The following MRPL3 variants were observed in gnomAD, a reference collection of about 807,000 sequenced individuals.
MRPL3 encodes large ribosomal subunit protein uL3m.
Under a neutral mutation model 44.3 loss-of-function variants are expected in MRPL3, and 43 were observed. The observed-to-expected ratio is 0.97, with a 90% CI of 0.76 to 1.25. The LOEUF is 1.25. MRPL3 is among the 50% of genes most tolerant of loss of function. MRPL3 has a pLI of 0.00. For synonymous variants in MRPL3, 171 were observed against 152.3 expected (o/e 1.12, Z -0.91); for missense variants, 406 against 427.6 (o/e 0.95, Z 0.45).
At chr3:131,485,155 CAA>C (rs1281189378) in intron 6 of MRPL3, among the ~76,000 whole-genome samples, 4 of 152,088 alleles carry the variant, frequency 2.6e-5, no homozygotes, top group Admixed American at 6.5e-5. Context: ...AACCAAAAAA[CAA>C]AAGTTTTCCT....
At chr3:131,489,178 A>C (rs1460394355) in intron 5 of MRPL3, among the ~76,000 whole-genome samples, 1 of 152,138 alleles carries the variant, frequency 6.6e-6, no homozygotes, top group Non-Finnish European at 1.5e-5. Flanking sequence ...AAGTATTTCC[A>C]TTATAAACTA....
chr3:131,465,646 T>C (rs1038493323), intron 9 of MRPL3, among the ~76,000 whole-genome samples: 5 of 152,172 alleles, frequency 3.3e-5, no homozygotes, highest in Admixed American at 6.6e-5. Flanking sequence ...CTTTATCAGG[T>C]TGTGCTATTT....
At chr3:131,482,898 T>C (rs1316126208) in intron 6 of MRPL3, among the ~76,000 whole-genome samples, 1 of 151,998 alleles carries the variant, frequency 6.6e-6, no homozygotes, top group Non-Finnish European at 1.5e-5. Flanking sequence ...GTCCTTCAAG[T>C]CCTTTCAGGC....
intron 6 of MRPL3, among the ~76,000 whole-genome samples, chr3:131,482,030 G>A (rs1203497268): frequency 1.3e-5 from 2 of 152,160 alleles, no homozygotes; most frequent in Non-Finnish European, 2.9e-5. Flanking sequence ...AGTGTACTGG[G>A]CTAGGTATAC....
chr3:131,473,645 A>G (rs540160618), intron 6 of MRPL3, among the ~76,000 whole-genome samples: 3 of 152,150 alleles, frequency 2.0e-5, no homozygotes, highest in East Asian at 1.9e-4. Context: ...CTGACAAGAG[A>G]TATCTAAAAT....
chr3:131,493,555 A>T (rs1479957643), intron 4 of MRPL3, among the ~76,000 whole-genome samples: 2 of 152,206 alleles, frequency 1.3e-5, no homozygotes, highest in Non-Finnish European at 2.9e-5. Context: ...GACAATAAAG[A>T]AGTGGGCTAA....
intron 6 of MRPL3, among the ~76,000 whole-genome samples, chr3:131,477,486 A>G (rs1009310931): frequency 6.6e-6 from 1 of 152,220 alleles, no homozygotes; most frequent in African/African-American, 2.4e-5. Context: ...CCCAAATCCA[A>G]GTCTTTTACT....
At position 131,468,076 on chromosome 3, in the gene MRPL3, G is replaced by T. The variant is rs767216919; in HGVS notation, c.894+15C>A. 13 of 1,311,684 alleles carry T rather than the reference G, an allele frequency of 9.9e-6. No homozygotes were observed. The highest frequency in any genetic ancestry group is 2.6e-5 in the East Asian group (1 of 39,048). The allele number at this position is 1,311,684 out of a possible 1,614,324, so 81.3% of individuals were successfully genotyped here. ...AAAAAAAAAAAGGAAAAAAAAAGAA[G>T]ACACTTATACTTACCTTTACTAAGC... On this transcript the variant is annotated intron_variant, in intron 9 of 9. Coordinates refer to ENST00000264995, the MANE Select transcript of MRPL3 (RefSeq NM_007208.4).
chr3:131,502,339 T>C (rs1934516840), intron 1 of MRPL3, among the ~76,000 whole-genome samples: 1 of 152,232 alleles, frequency 6.6e-6, no homozygotes, highest in Non-Finnish European at 1.5e-5. Context: ...TTTCCACTTA[T>C]TAGTTGAGTG....
intron 4 of MRPL3, among the ~76,000 whole-genome samples, chr3:131,493,659 A>G (rs977077748): frequency 6.6e-6 from 1 of 152,232 alleles, no homozygotes; most frequent in Non-Finnish European, 1.5e-5. Context: ...CTTCTGCTCC[A>G]TCAGTTCTTG....
chr3:131,501,849 T>C (rs1415214716), intron 1 of MRPL3, 134 bp from the exon 2 acceptor site: 5 of 1,560,836 alleles, frequency 3.2e-6, no homozygotes, highest in Non-Finnish European at 4.3e-6. Flanking sequence ...TATACCTTTT[T>C]TTCAGGTCTC....
At chr3:131,494,865 C>T (rs1389914770) in intron 4 of MRPL3, among the ~76,000 whole-genome samples, 1 of 152,124 alleles carries the variant, frequency 6.6e-6, no homozygotes, top group Non-Finnish European at 1.5e-5. Context: ...ACTGACAGTA[C>T]TGTCACAGTT....
chr3:131,482,543 A>C (rs986441510), intron 6 of MRPL3, among the ~76,000 whole-genome samples: 1 of 152,076 alleles, frequency 6.6e-6, no homozygotes, highest in Non-Finnish European at 1.5e-5. Context: ...TTTATTACTA[A>C]GATAACATTG....
At position 131,462,479 on chromosome 3, in the gene MRPL3, AT is replaced by A; in HGVS notation, c.*243del. ...AGAATCGAGTCCACAAATTAAGAAT[AT>A]TTTGCTAATATGCCCAACACCAATT... On this transcript the variant is annotated 3_prime_UTR_variant, in exon 10 of 10. Transcript: ENST00000264995. 3.0e-6 allele frequency: 1 copy of A among 334,056 alleles called. No homozygotes were observed. The highest frequency in any genetic ancestry group is 5.4e-6 in the Non-Finnish European group (1 of 186,260). The allele number at this position is 334,056 out of a possible 1,614,324, so 20.7% of individuals were successfully genotyped here.
At chr3:131,464,983 T>A (rs1933569703) in intron 9 of MRPL3, among the ~76,000 whole-genome samples, 1 of 152,254 alleles carries the variant, frequency 6.6e-6, no homozygotes, top group African/African-American at 2.4e-5. Flanking sequence ...TAGCAAGTTT[T>A]ACCATTTAAA....
intron 6 of MRPL3, among the ~76,000 whole-genome samples, chr3:131,481,219 G>C (rs1466880797): frequency 6.6e-6 from 1 of 152,082 alleles, no homozygotes; most frequent in African/African-American, 2.4e-5. Context: ...AAAATATAAA[G>C]GCAAAACTTA....
chr3:131,498,627 G>A (rs912742030), intron 3 of MRPL3, among the ~76,000 whole-genome samples: 10 of 149,430 alleles, frequency 6.7e-5, no homozygotes, highest in South Asian at 4.3e-4. Flanking sequence ...GCAAGAACCC[G>A]GGAGGCGGAG....
At chr3:131,482,292 G>A (rs539550859) in intron 6 of MRPL3, among the ~76,000 whole-genome samples, 9 of 151,984 alleles carry the variant, frequency 5.9e-5, no homozygotes, top group African/African-American at 1.7e-4. Context: ...TGAGGCAGGC[G>A]GATCACGAGG....
At chr3:131,467,208 C>A (rs919650888) in intron 9 of MRPL3, among the ~76,000 whole-genome samples, 19 of 151,952 alleles carry the variant, frequency 1.3e-4, no homozygotes, top group Non-Finnish European at 2.8e-4. Context: ...CGTGTGTGTG[C>A]ATTCTCTAGA....
Sources: gnomAD v4.1 joint callset for allele counts (sites outside exome capture counted in the v4.1 genomes callset) on GRCh38, gnomAD v4.1.1 for gene constraint, MANE v1.5 for transcripts, NCBI Gene and HGNC (gene_info 2026-07-23, HGNC 2026-07-21) for gene names.